CEP350: variants seen among roughly 807,000 people sequenced by gnomAD.
The protein encoded by CEP350 is centrosomal protein 350, also known as centrosome-associated protein 350.
CEP350 carries 126 observed loss-of-function variants against 331.8 expected under a neutral mutation model. The observed-to-expected ratio is 0.38, with a 90% CI of 0.33 to 0.44. The LOEUF is 0.44. Among genes scored for constraint, CEP350 ranks in the 20% least tolerant of loss-of-function variants. The pLI is 1.00. For synonymous variants in CEP350, 1,200 were observed against 1,259.5 expected (o/e 0.95, Z 1.00); for missense variants, 3,406 against 3,634.6 (o/e 0.94, Z 1.62).
At chr1:179,972,768 G>A (rs1237012916) in intron 1 of CEP350, among the ~76,000 whole-genome samples, 2 of 152,024 alleles carry the variant, frequency 1.3e-5, no homozygotes, top group Admixed American at 6.5e-5. Flanking sequence ...GAGATGAAGA[G>A]GTTTTTGGTG....
intron 5 of CEP350, among the ~76,000 whole-genome samples, chr1:179,995,614 C>CA (rs1354813632): frequency 6.6e-6 from 1 of 152,060 alleles, no homozygotes; most frequent in Non-Finnish European, 1.5e-5. Context: ...AAAAATCAAT[C>CA]AATCAATCAA....
At chr1:179,980,820 A>G (rs1652223923) in intron 1 of CEP350, among the ~76,000 whole-genome samples, 1 of 152,110 alleles carries the variant, frequency 6.6e-6, no homozygotes, top group Non-Finnish European at 1.5e-5. Flanking sequence ...GTACTCAAAA[A>G]ACATTGTTAG....
intron 14 of CEP350, among the ~76,000 whole-genome samples, chr1:180,025,321 A>G (rs1655600034): frequency 6.6e-6 from 1 of 152,216 alleles, no homozygotes; most frequent in Admixed American, 6.5e-5. Flanking sequence ...TATCTATAAA[A>G]TAGAGATAAT....
At position 180,045,638 on chromosome 1, in the gene CEP350, A is replaced by G. The variant is rs1236331857; in HGVS notation, c.4622+1465A>G. Among the ~76,000 whole-genome samples the G allele has an allele frequency of 3.9e-5, 6 of 152,208 alleles. 1 individual carries two copies. Among genetic ancestry groups the G allele is most frequent in the Non-Finnish European group, 8.8e-5 (6 of 68,050 alleles). On this transcript the variant is annotated intron_variant, in intron 21 of 37. Transcript: ENST00000367607. ...TTACTGACACCTTCACTGAAACTTC[A>G]TGTAAACCATCATCTGGATTACTAT... is the stretch of plus-strand genomic sequence containing the variant.
At position 180,062,142 on chromosome 1, in the gene CEP350, G is replaced by A. The variant is rs138638663; in HGVS notation, c.5263-78G>A. 8.0e-4 allele frequency: 1,021 copies of A among 1,275,554 alleles called. 8 individuals are homozygous for A. In the African/African-American group the frequency reaches 0.014, roughly 18 times the overall value. 79.0% of individuals were successfully genotyped at this position (1,275,554 alleles called of 1,614,324 possible). ...ATATGTATTTATTTTTAATATATGT[G>A]CTGATTTTTTTTTTAAATATTACTT... On this transcript the variant is annotated intron_variant, in intron 25 of 37. Transcript: ENST00000367607.
At chr1:179,972,503 T>C (rs973709165) in intron 1 of CEP350, among the ~76,000 whole-genome samples, 7 of 152,050 alleles carry the variant, frequency 4.6e-5, no homozygotes, top group Non-Finnish European at 7.4e-5. Flanking sequence ...GAGTGCTGTT[T>C]ATTTTATTTT....
At position 180,078,319 on chromosome 1, in the gene CEP350, C is replaced by T. The variant is rs1659360932; in HGVS notation, c.5768-144C>T. On this transcript the variant is annotated intron_variant, in intron 28 of 37. Transcript: ENST00000367607. ...TAGATAACCCAGAAATAGATCTGTG[C>T]ATCTGTGGAAGCTATGACTCTCCTG... 3 of 618,034 alleles carry T rather than the reference C, an allele frequency of 4.9e-6. No homozygotes were observed. The South Asian group carries it at 6.0e-5, about 12-fold the overall frequency. 38.3% of individuals were successfully genotyped at this position (618,034 alleles called of 1,614,324 possible). A position where few individuals can be genotyped will look rare whatever the true frequency, so the allele number is the denominator to read the frequency against.
chr1:180,073,367 GA>G (rs1465323070), intron 27 of CEP350, among the ~76,000 whole-genome samples: 1 of 152,168 alleles, frequency 6.6e-6, no homozygotes, highest in Non-Finnish European at 1.5e-5. Context: ...AATACATGAT[GA>G]GGTACAGATT....
rs1304514476 is a variant in CEP350, at chr1:180,113,538, T to C, written c.*2377T>C. ...GCAGAAATGGATCAGTCTTATTCTTTTCTAGAAATGGTTATCTGTAGTTTG... is the reference window on the plus strand; with the variant it reads ...GCAGAAATGGATCAGTCTTATTCTTCTCTAGAAATGGTTATCTGTAGTTTG... On this transcript the variant is annotated 3_prime_UTR_variant, in exon 38 of 38. Coordinates refer to ENST00000367607, the MANE Select transcript of CEP350 (RefSeq NM_014810.5). The C allele has an allele frequency of 2.0e-5, 3 of 151,208 alleles. No homozygotes were observed. The East Asian group carries it at 5.9e-4, about 30-fold the overall frequency. 9.4% of individuals were successfully genotyped at this position (151,208 alleles called of 1,614,324 possible).
At chr1:180,075,707 C>T (rs1659180571) in intron 28 of CEP350, among the ~76,000 whole-genome samples, 1 of 151,978 alleles carries the variant, frequency 6.6e-6, no homozygotes, top group African/African-American at 2.4e-5. Context: ...GTAATCTTAG[C>T]ACTTTGGGAG....
At chr1:180,054,530 A>T in intron 25 of CEP350, 28 bp downstream of exon 25, 1 of 1,508,690 alleles carries the variant, frequency 6.6e-7, no homozygotes, top group South Asian at 1.2e-5. Flanking sequence ...CCCCTTTAGG[A>T]CAGCTTATAA....
rs566837454 is a variant in CEP350 at position 180,021,952 on chromosome 1, T to C, written c.3236-746T>C. On this transcript the variant is annotated intron_variant, in intron 12 of 37. Transcript: ENST00000367607. Reference sequence around the variant, plus strand: ...CAATTCCTTCAAGTCCCTTTCTCTATCCTTCCTGCTATATATGGAATCTGC... The same window carrying C: ...CAATTCCTTCAAGTCCCTTTCTCTACCCTTCCTGCTATATATGGAATCTGC... Among the ~76,000 whole-genome samples the C allele has an allele frequency of 6.9e-4, 105 of 152,320 alleles. No homozygotes were observed. In the Middle Eastern group the frequency reaches 0.01, roughly 15 times the overall value.
intron 7 of CEP350, among the ~76,000 whole-genome samples, chr1:180,004,878 GCTTGCTTGCTTGCTT>G (rs1558092866): frequency 0.031 from 2,878 of 93,690 alleles, 50 homozygotes; most frequent in Middle Eastern, 0.05. Context: ...TGGCTGGCTT[GCTTGCTTGCTTGCTT>G]GCTTGCTTGC....
chr1:180,098,336 G>A (rs1428185052), intron 36 of CEP350, among the ~76,000 whole-genome samples: 15 of 151,816 alleles, frequency 9.9e-5, no homozygotes, highest in East Asian at 9.7e-4. Flanking sequence ...TTACTTTGTT[G>A]TTGTTGTTGT....
At chr1:180,084,832 G>T (rs1335471143) in intron 31 of CEP350, among the ~76,000 whole-genome samples, 2 of 152,034 alleles carry the variant, frequency 1.3e-5, no homozygotes, top group Non-Finnish European at 2.9e-5. Flanking sequence ...CCTGTGAATA[G>T]CCACTGCATT....
chr1:180,061,404 C>T (rs931653016), intron 25 of CEP350, among the ~76,000 whole-genome samples: 6 of 152,162 alleles, frequency 3.9e-5, no homozygotes, highest in African/African-American at 1.4e-4. Context: ...ACCATGTTGC[C>T]TAGGCTAGTC....
chr1:180,020,917 C>G lies in CEP350; in HGVS notation c.3143C>G (p.Thr1048Arg), dbSNP rs150132631. 3.7e-5 allele frequency: 59 copies of G among 1,611,910 alleles called. No individual in the cohort carries two copies. Among genetic ancestry groups the G allele is most frequent in the Non-Finnish European group, 4.7e-5 (56 of 1,179,562 alleles). The change falls in exon 12 of 38, where the codon ACA becomes AGA. Residue 1048 changes from threonine (T) to arginine (R), a missense_variant. By Grantham distance (71) the Thr-to-Arg change is moderately conservative. This residue lies in a region of CEP350 where 1,857 missense variants were observed against 1,909.2 expected (regional missense o/e 0.97). Transcript: ENST00000367607. ...FLPLFGHIGGTQSKGPWEELA... is the reference protein window; with the variant it reads ...FLPLFGHIGGRQSKGPWEELA... ...CCACTTTTTGGGCACATAGGTGGTA[C>G]ACAAAGCAAAGGACCATGGGAAGAA...
At chr1:179,992,246 T>C (rs1270903849) in intron 5 of CEP350, 25 bp downstream of exon 5, 2 of 1,437,918 alleles carry the variant, frequency 1.4e-6, no homozygotes, top group Non-Finnish European at 9.1e-7. Context: ...AAAAAAAAGG[T>C]ATCAAATAGG....
In CEP350 at chr1:180,111,399, T is replaced by C. The variant is rs1005356181; in HGVS notation, c.*238T>C. On this transcript the variant is annotated 3_prime_UTR_variant, in exon 38 of 38. Transcript: ENST00000367607. ...CAGTGGGCAGGGTTGCACAGTGTAA[T>C]CCTACACCTTTTGCTAACACCCCTA... is the stretch of plus-strand genomic sequence containing the variant. 2.7e-5 allele frequency: 10 copies of C among 371,532 alleles called. No homozygotes were observed. The highest frequency in any genetic ancestry group is 1.9e-4 in the African/African-American group (9 of 48,238). 23.0% of individuals were successfully genotyped at this position (371,532 alleles called of 1,614,324 possible).
Sources: gnomAD v4.1 joint callset for allele counts (sites outside exome capture counted in the v4.1 genomes callset) on GRCh38, gnomAD v4.1.1 for gene constraint, gnomAD v4.1.1 regional missense constraint, MANE v1.5 for transcripts, NCBI Gene and HGNC (gene_info 2026-07-23, HGNC 2026-07-21) for gene names.